The following CNNM4 variants were observed in gnomAD, a reference collection of about 807,000 sequenced individuals.
CNNM4 encodes the protein metal transporter CNNM4.
In CNNM4, 32 loss-of-function variants were observed where a neutral mutation model predicts 53.7. The ratio of observed to expected loss-of-function variants is 0.60; its 90% CI spans 0.45 to 0.80. The LOEUF is 0.80. CNNM4 is among the 30% of genes least tolerant of loss of function. The pLI is 0.00. For missense variants in CNNM4, 784 were observed against 1,022.0 expected (o/e 0.77, Z 3.17); for synonymous variants, 410 against 440.0 (o/e 0.93, Z 0.85).
chr2:96,782,737 G>A (rs62152775), intron 1 of CNNM4, among the ~76,000 whole-genome samples: 1 of 152,108 alleles, frequency 6.6e-6, no homozygotes, highest in Non-Finnish European at 1.5e-5. Context: ...GAACCAACTG[G>A]GGTTTACTAA....
At chr2:96,805,445 T>A (rs2079195422) in intron 5 of CNNM4, among the ~76,000 whole-genome samples, 1 of 140,572 alleles carries the variant, frequency 7.1e-6, no homozygotes, top group African/African-American at 2.9e-5. Context: ...TTTTTATTAT[T>A]TTTTTTTAAA....
intron 1 of CNNM4, among the ~76,000 whole-genome samples, chr2:96,778,739 A>C (rs1225160865): frequency 6.6e-6 from 1 of 151,586 alleles, no homozygotes; most frequent in African/African-American, 2.4e-5. Flanking sequence ...GGTGCATGCC[A>C]CTTGTCCCAG....
At chr2:96,784,980 C>T (rs746631141) in intron 1 of CNNM4, among the ~76,000 whole-genome samples, 1 of 152,174 alleles carries the variant, frequency 6.6e-6, no homozygotes, top group Non-Finnish European at 1.5e-5. Flanking sequence ...CGGGTTCAAG[C>T]GATTCTCATG....
At chr2:96,792,855 G>C (rs571113684) in intron 1 of CNNM4, among the ~76,000 whole-genome samples, 25 of 152,188 alleles carry the variant, frequency 1.6e-4, no homozygotes, top group African/African-American at 6.0e-4. Flanking sequence ...TGATAACTGG[G>C]ACAGAGCTGC....
chr2:96,795,439 A>G (rs775533460), intron 1 of CNNM4, among the ~76,000 whole-genome samples: 4 of 152,100 alleles, frequency 2.6e-5, no homozygotes, highest in Non-Finnish European at 5.9e-5. Flanking sequence ...TGGGAAATAC[A>G]TATATCATAG....
chr2:96,797,350 C>T lies in CNNM4; in HGVS notation c.1547-163C>T, dbSNP rs1385150896. 6.6e-6 allele frequency among the ~76,000 whole-genome samples: 1 copy of T among 152,238 alleles called. No homozygotes were observed. The highest frequency in any genetic ancestry group is 2.4e-5 in the African/African-American group (1 of 41,464). ...GCAGTGCCCGGAGGCTGCCTTCACCCTCGGCCTTTGTGCCTCGGCGTCAGC... is the reference window on the plus strand; with the variant it reads ...GCAGTGCCCGGAGGCTGCCTTCACCTTCGGCCTTTGTGCCTCGGCGTCAGC... On this transcript the variant is annotated intron_variant, in intron 2 of 6. Coordinates refer to ENST00000377075, the MANE Select transcript of CNNM4 (RefSeq NM_020184.4). This position sits in a 1 kb window ranked among gnomAD's most constrained non-coding sequence, Gnocchi z 6.0.
At position 96,809,392 on chromosome 2, in the gene CNNM4, G is replaced by A. The variant is rs1274665524; in HGVS notation, c.2203G>A (p.Gly735Arg). The change falls in exon 7 of 7, where the codon GGG becomes AGG. Residue 735 changes from glycine (G) to arginine (R), a missense_variant. This residue lies in a region of CNNM4 where 307 missense variants were observed against 376.3 expected (regional missense o/e 0.82). Transcript: ENST00000377075. ...GAACAGCCCTCAGTTTCCCATAGAC[G>A]GGTGCACCACCCACATGGAGAACTT... ...MENSPQFPID[G>R]CTTHMENLAE... The A allele has an allele frequency of 1.2e-6, 2 of 1,613,252 alleles. No homozygotes were observed. The highest frequency in any genetic ancestry group is 1.7e-6 in the Non-Finnish European group (2 of 1,180,018).
intron 1 of CNNM4, among the ~76,000 whole-genome samples, chr2:96,787,674 A>G (rs761047910): frequency 6.6e-6 from 1 of 152,134 alleles, no homozygotes; most frequent in Non-Finnish European, 1.5e-5. Context: ...CCTGGGCAGC[A>G]TAGTGAAACC....
rs189676203 is a variant in CNNM4, at chr2:96,781,118, A to G, written c.1403-15894A>G. Among the ~76,000 whole-genome samples the G allele has an allele frequency of 1.9e-3, 289 of 150,932 alleles. 7 individuals are homozygous for G. In the East Asian group the frequency reaches 0.029, roughly 15 times the overall value. On this transcript the variant is annotated intron_variant, in intron 1 of 6. Transcript: ENST00000377075. ...CTCAGCCTCCCGAGTAGCTGGGACT[A>G]CAGGCACCCGCCACAATGCCCAGCT...
intron 1 of CNNM4, among the ~76,000 whole-genome samples, chr2:96,768,064 AAAAAC>A (rs912511039): frequency 6.6e-6 from 1 of 152,244 alleles, no homozygotes; most frequent in East Asian, 1.9e-4. Flanking sequence ...CTCTGTCTCA[AAAAAC>A]AAAACAAAAC....
At position 96,800,720 on chromosome 2, in the gene CNNM4, G is replaced by A. The variant is rs2079150731; in HGVS notation, c.1948+1072G>A. Reference sequence around the variant, plus strand: ...CAGTTTGAGGAAATCTCATTCAGAAGGGCGGGCAGGCACGGGAGGCTTCCC... The same window carrying A: ...CAGTTTGAGGAAATCTCATTCAGAAAGGCGGGCAGGCACGGGAGGCTTCCC... On this transcript the variant is annotated intron_variant, in intron 5 of 6. Coordinates refer to ENST00000377075, the MANE Select transcript of CNNM4 (RefSeq NM_020184.4). This position sits in a 1 kb window ranked among gnomAD's most constrained non-coding sequence, Gnocchi z 4.6. 6.6e-6 allele frequency among the ~76,000 whole-genome samples: 1 copy of A among 152,248 alleles called. No individual in the cohort carries two copies. Among genetic ancestry groups the A allele is most frequent in the Non-Finnish European group, 1.5e-5 (1 of 68,036 alleles).
intron 1 of CNNM4, among the ~76,000 whole-genome samples, chr2:96,778,111 C>T (rs1321337381): frequency 2.0e-5 from 3 of 151,312 alleles, no homozygotes; most frequent in Non-Finnish European, 1.5e-5. Context: ...AAGTGATCTG[C>T]CCACCTTGCC....
intron 1 of CNNM4, among the ~76,000 whole-genome samples, chr2:96,786,292 CT>C (rs995064246): frequency 6.6e-6 from 1 of 151,268 alleles, no homozygotes; most frequent in Admixed American, 6.6e-5. Flanking sequence ...TGGCATGCTC[CT>C]GTAATCCCAG....
At chr2:96,792,699 C>T (rs6741561) in intron 1 of CNNM4, among the ~76,000 whole-genome samples, 69,005 of 151,742 alleles carry the variant, frequency 0.45, 17,024 homozygotes, top group African/African-American at 0.65. Flanking sequence ...AGCTACTTGG[C>T]AGGCTGAGGC....
intron 1 of CNNM4, among the ~76,000 whole-genome samples, chr2:96,794,237 C>G (rs2079084718): frequency 6.6e-6 from 1 of 152,130 alleles, no homozygotes. Context: ...CCTTTGTTCT[C>G]CTTAATTTTG....
chr2:96,806,506 AACACACAC>A (rs151020163), intron 5 of CNNM4, among the ~76,000 whole-genome samples: 11 of 135,440 alleles, frequency 8.1e-5, no homozygotes, highest in Admixed American at 3.6e-4. Flanking sequence ...CTAGCTATCC[AACACACAC>A]ACACACACAC....
chr2:96,787,826 C>T (rs1339824310), intron 1 of CNNM4, among the ~76,000 whole-genome samples: 2 of 152,166 alleles, frequency 1.3e-5, no homozygotes, highest in East Asian at 1.9e-4. Flanking sequence ...TGCCACTGTA[C>T]TGCAGCCTGG....
At chr2:96,806,260 C>G (rs1189001499) in intron 5 of CNNM4, among the ~76,000 whole-genome samples, 1 of 152,078 alleles carries the variant, frequency 6.6e-6, no homozygotes, top group Admixed American at 6.5e-5. Context: ...AAAATGTTCT[C>G]AAATCTACAA....
rs533133596 is a variant in CNNM4, at chr2:96,797,718, G to A, written c.1681+71G>A. On this transcript the variant is annotated intron_variant, in intron 3 of 6. Transcript: ENST00000377075. This position sits in a 1 kb window ranked among gnomAD's most constrained non-coding sequence, Gnocchi z 6.0. The stretch of plus-strand genomic sequence containing the variant: ...GGGGAGAAGTCCTGGGTTTCCGGCT[G>A]CTTTCCCCCCATAGGACGAGGGCTG... 2.6e-3 allele frequency: 4,140 copies of A among 1,594,768 alleles called. 17 individuals are homozygous for A. The highest frequency in any genetic ancestry group is 0.01 in the Middle Eastern group (61 of 5,966).
Sources: allele counts gnomAD v4.1 joint callset (sites outside exome capture counted in the v4.1 genomes callset), GRCh38; gene constraint gnomAD v4.1.1; regional missense constraint gnomAD v4.1.1; non-coding constraint Gnocchi (gnomAD v3.1); transcripts MANE v1.5; gene names NCBI Gene and HGNC (gene_info 2026-07-23, HGNC 2026-07-21).